The following GSK3B variants were observed in gnomAD, a reference collection of about 807,000 sequenced individuals.
GSK3B encodes the protein glycogen synthase kinase-3 beta.
A neutral mutation model predicts 56.4 loss-of-function variants in GSK3B; 15 were observed. The ratio of observed to expected loss-of-function variants is 0.27; its 90% CI spans 0.18 to 0.41. The LOEUF (loss-of-function observed/expected upper bound fraction) is 0.41, where lower values mean the gene tolerates loss of function less well. GSK3B is among the 10% of genes least tolerant of loss of function. The pLI is 1.00. For missense variants in GSK3B, 300 were observed against 513.4 expected (o/e 0.58, Z 4.02); for synonymous variants, 181 against 188.9 (o/e 0.96, Z 0.34).
chr3:120,007,318 T>C (rs2057738430), intron 1 of GSK3B, among the ~76,000 whole-genome samples: 1 of 152,190 alleles, frequency 6.6e-6, no homozygotes, highest in African/African-American at 2.4e-5. Context: ...CACAGCCGAA[T>C]TCTACCAGAG....
At position 119,912,967 on chromosome 3, in the gene GSK3B, A is replaced by G. The variant is rs6438552; in HGVS notation, c.609-157T>C. On this transcript the variant is annotated intron_variant, in intron 5 of 10. Coordinates refer to ENST00000264235, the MANE Select transcript of GSK3B (RefSeq NM_001146156.2). ...GAAAATGTAAACTGTAACTATCTCT[A>G]ATAAAAGAAATTTACAATTTTATCA... 0.53 allele frequency among the ~76,000 whole-genome samples: 80,999 copies of G among 151,972 alleles called. 24,851 individuals carry two copies. Among genetic ancestry groups the G allele is most frequent in the African/African-American group, 0.86 (35,553 of 41,468 alleles).
chr3:119,875,171 T>C lies in GSK3B; in HGVS notation c.909+1242A>G, dbSNP rs555980314. Among the ~76,000 whole-genome samples the C allele has an allele frequency of 5.9e-5, 9 of 152,208 alleles. No homozygotes were observed. In the East Asian group the frequency reaches 9.7e-4, roughly 16 times the overall value. ...CTATAATTCTGGCACTAAAATACTA[T>C]TGAGGTCTTTGATTCTAAATAGGAA... On this transcript the variant is annotated intron_variant, in intron 8 of 10. Coordinates refer to ENST00000264235, the MANE Select transcript of GSK3B (RefSeq NM_001146156.2).
intron 1 of GSK3B, among the ~76,000 whole-genome samples, chr3:120,034,969 T>C (rs1178002133): frequency 6.6e-6 from 1 of 152,134 alleles, no homozygotes; most frequent in Non-Finnish European, 1.5e-5. Context: ...GGCAGGCACC[T>C]GTAGTCCCAG....
At chr3:119,887,756 G>A (rs1260229971) in intron 7 of GSK3B, among the ~76,000 whole-genome samples, 4 of 152,026 alleles carry the variant, frequency 2.6e-5, no homozygotes, top group Non-Finnish European at 5.9e-5. Flanking sequence ...AACACAAGAA[G>A]TTCAATGAAC....
intron 9 of GSK3B, among the ~76,000 whole-genome samples, chr3:119,856,425 C>T (rs1307883823): frequency 6.6e-6 from 1 of 152,338 alleles, no homozygotes; most frequent in East Asian, 1.9e-4. Context: ...TCCTACACCA[C>T]TCTACATTTT....
intron 5 of GSK3B, among the ~76,000 whole-genome samples, chr3:119,913,345 A>T (rs1176615877): frequency 2.6e-5 from 4 of 152,130 alleles, no homozygotes; most frequent in African/African-American, 4.8e-5. Flanking sequence ...AACATTTATT[A>T]CCCAATAAAT....
rs1166337326 is a variant in GSK3B at position 119,822,420 on chromosome 3, A to G, written c.*4368T>C. 1 of 220,316 alleles carries G rather than the reference A, an allele frequency of 4.5e-6. No individual in the cohort carries two copies. Among genetic ancestry groups the G allele is most frequent in the Non-Finnish European group, 9.1e-6 (1 of 110,196 alleles). 13.6% of individuals were successfully genotyped at this position (220,316 alleles called of 1,614,324 possible). A position where few individuals can be genotyped will look rare whatever the true frequency, so the allele number is the denominator to read the frequency against. ...TACAACTATCTGTATCTGCCTGTAG[A>G]CAGATATAGTTAAGGAAAAAAAAAC... On this transcript the variant is annotated 3_prime_UTR_variant, in exon 11 of 11. Transcript: ENST00000264235.
chr3:119,921,533 A>G (rs1354693438), intron 4 of GSK3B, among the ~76,000 whole-genome samples: 1 of 152,232 alleles, frequency 6.6e-6, no homozygotes, highest in African/African-American at 2.4e-5. Context: ...CAGGAAATAT[A>G]GATGACCAAA....
intron 1 of GSK3B, chr3:120,029,299 T>C (rs2057955627): frequency 2.7e-6 from 2 of 742,916 alleles, no homozygotes; most frequent in Admixed American, 1.8e-5. Flanking sequence ...GTACCTTCTC[T>C]GCAGCGGACA....
chr3:120,041,857 A>T (rs1037639217), intron 1 of GSK3B, among the ~76,000 whole-genome samples: 1 of 152,238 alleles, frequency 6.6e-6, no homozygotes, highest in South Asian at 2.1e-4. Flanking sequence ...TCAAGAAAAT[A>T]GCCCAATAAT....
intron 1 of GSK3B, among the ~76,000 whole-genome samples, chr3:120,066,401 C>T (rs920925747): frequency 3.3e-5 from 5 of 152,004 alleles, no homozygotes; most frequent in African/African-American, 1.2e-4. Flanking sequence ...GCCAACATGA[C>T]GGGGCTCACA....
chr3:119,944,781 A>C (rs1431130488), intron 3 of GSK3B, among the ~76,000 whole-genome samples: 6 of 152,172 alleles, frequency 3.9e-5, no homozygotes, highest in Non-Finnish European at 8.8e-5. Context: ...TTCCTCCTCC[A>C]AAACTCTTCT....
intron 1 of GSK3B, among the ~76,000 whole-genome samples, chr3:120,013,580 G>T (rs1157908183): frequency 6.6e-6 from 1 of 151,996 alleles, no homozygotes; most frequent in Non-Finnish European, 1.5e-5. Flanking sequence ...AGAAATAACA[G>T]AAAATTAAAA....
chr3:119,987,530 G>A (rs1003724637), intron 2 of GSK3B, among the ~76,000 whole-genome samples: 1 of 152,152 alleles, frequency 6.6e-6, no homozygotes, highest in African/African-American at 2.4e-5. Flanking sequence ...AGGAAATTCT[G>A]TGTGTAAACA....
intron 3 of GSK3B, among the ~76,000 whole-genome samples, chr3:119,931,960 T>G (rs2056950035): frequency 6.6e-6 from 1 of 152,182 alleles, no homozygotes; most frequent in South Asian, 2.1e-4. Context: ...GAACTCCACA[T>G]TAAAACCACA....
intron 2 of GSK3B, among the ~76,000 whole-genome samples, chr3:119,953,966 T>C (rs1374006411): frequency 6.6e-6 from 1 of 152,086 alleles, no homozygotes; most frequent in Non-Finnish European, 1.5e-5. Context: ...TTTTCAAAAG[T>C]AGCTTATAGA....
chr3:119,955,257 A>AAACTT (rs1288708894), intron 2 of GSK3B, among the ~76,000 whole-genome samples: 1 of 151,922 alleles, frequency 6.6e-6, no homozygotes, highest in Non-Finnish European at 1.5e-5. Flanking sequence ...AAACACAAAA[A>AAACTT]AACTTAACCC....
chr3:120,079,140 C>T (rs1030523489), intron 1 of GSK3B, among the ~76,000 whole-genome samples: 1 of 151,326 alleles, frequency 6.6e-6, no homozygotes, highest in Admixed American at 6.6e-5. Flanking sequence ...CAGGGTTTCA[C>T]CATGTTGGCC....
At chr3:120,088,674 A>T (rs547884473) in intron 1 of GSK3B, among the ~76,000 whole-genome samples, 1 of 152,364 alleles carries the variant, frequency 6.6e-6, no homozygotes, top group East Asian at 1.9e-4. Context: ...AATGATAAAC[A>T]TTCCAACAAA....
Sources: gnomAD v4.1 joint callset for allele counts (sites outside exome capture counted in the v4.1 genomes callset) on GRCh38, gnomAD v4.1.1 for gene constraint, MANE v1.5 for transcripts, NCBI Gene and HGNC (gene_info 2026-07-23, HGNC 2026-07-21) for gene names.